TRPM3: variants seen among roughly 807,000 people sequenced by gnomAD.
The protein encoded by TRPM3 is long transient receptor potential channel 3.
Under a neutral mutation model 181.2 loss-of-function variants are expected in TRPM3, and 77 were observed. The ratio of observed to expected loss-of-function variants is 0.42; its 90% confidence interval spans 0.35 to 0.51. The LOEUF is 0.51. TRPM3 is among the 20% of genes least tolerant of loss of function. The probability of loss-of-function intolerance (pLI) is 0.01; values close to 1 mark genes in which losing one functional copy is unlikely to be tolerated. For synonymous variants in TRPM3, 745 were observed against 796.4 expected, an observed-to-expected ratio of 0.94 and a Z score of 1.09; for missense variants, 1,759 against 2,196.7, an observed-to-expected ratio of 0.80 and a Z score of 3.98.
At chr9:70,645,830 C>T (rs947045267) in intron 9 of TRPM3, among the ~76,000 whole-genome samples, 3 of 151,984 alleles carry the variant, frequency 2.0e-5, no homozygotes, top group Non-Finnish European at 4.4e-5. Flanking sequence ...GCAATCTGTG[C>T]ATCTGACAAA....
chr9:70,536,553 T>A lies in TRPM3; in HGVS notation c.4560A>T (p.Thr1520=), dbSNP rs1325466775. 12 of 1,613,748 alleles carry A rather than the reference T, an allele frequency of 7.4e-6. No individual in the cohort carries two copies. The highest frequency in any genetic ancestry group is 1.0e-5 in the Non-Finnish European group (12 of 1,179,926). The part of the protein sequence containing the change: ...RSKSSRYLAT[T]PFLLEEAPIV... ...TGGGAGCCTCTTCTAGAAGAAAGGG[T>A]GTGGTGGCTAGGTAGCGGCTACTTT... is the stretch of plus-strand genomic sequence containing the variant. Residue 1520 remains threonine, a synonymous_variant, in exon 26 of 26, where the codon ACA becomes ACT. Coordinates refer to ENST00000677713, the MANE Select transcript of TRPM3 (RefSeq NM_001366145.2).
At chr9:71,130,425 G>T (rs182809876) in intron 1 of TRPM3, among the ~76,000 whole-genome samples, 1 of 152,124 alleles carries the variant, frequency 6.6e-6, no homozygotes, top group Non-Finnish European at 1.5e-5. Context: ...GCCTGTTATA[G>T]TAAGTACAGA....
At chr9:70,952,777 A>G (rs1162472022) in intron 1 of TRPM3, among the ~76,000 whole-genome samples, 2 of 152,132 alleles carry the variant, frequency 1.3e-5, no homozygotes, top group African/African-American at 2.4e-5. Context: ...CTGGATAGGT[A>G]AGTAGGAACC....
chr9:71,051,354 C>G (rs751722016), intron 1 of TRPM3, among the ~76,000 whole-genome samples: 16 of 152,176 alleles, frequency 1.1e-4, no homozygotes, highest in Non-Finnish European at 1.9e-4. Context: ...AAATCACATT[C>G]ATTATCTCAT....
chr9:71,304,220 C>T (rs2087049038), intron 1 of TRPM3, among the ~76,000 whole-genome samples: 1 of 152,178 alleles, frequency 6.6e-6, no homozygotes, highest in African/African-American at 2.4e-5. Flanking sequence ...TTATTGCAGT[C>T]ATGCTGAATT....
chr9:70,566,835 G>C (rs1281074805), intron 22 of TRPM3, among the ~76,000 whole-genome samples: 2 of 152,190 alleles, frequency 1.3e-5, no homozygotes, highest in African/African-American at 4.8e-5. Flanking sequence ...ATGCGTGCCA[G>C]GGAGGGCTCA....
intron 6 of TRPM3, among the ~76,000 whole-genome samples, chr9:70,785,154 G>A (rs1163974914): frequency 6.6e-6 from 1 of 152,212 alleles, no homozygotes; most frequent in African/African-American, 2.4e-5. Flanking sequence ...CGTGATGTGA[G>A]TTCAGTAAAC....
chr9:71,409,047 C>CA (rs888326798), intron 1 of TRPM3, among the ~76,000 whole-genome samples: 2 of 152,006 alleles, frequency 1.3e-5, no homozygotes, highest in African/African-American at 2.4e-5. Flanking sequence ...CCTTTACAGA[C>CA]AAAAAAATGC....
At chr9:71,222,556 A>C (rs2080303052) in intron 1 of TRPM3, among the ~76,000 whole-genome samples, 1 of 152,172 alleles carries the variant, frequency 6.6e-6, no homozygotes, top group African/African-American at 2.4e-5. Flanking sequence ...CAGGAATACC[A>C]AATTTAACAT....
At chr9:71,402,667 T>A (rs1208426982) in intron 1 of TRPM3, among the ~76,000 whole-genome samples, 1 of 152,232 alleles carries the variant, frequency 6.6e-6, no homozygotes. Flanking sequence ...TTCATTTCAA[T>A]GACCTCTGAG....
intron 1 of TRPM3, among the ~76,000 whole-genome samples, chr9:71,249,901 A>G (rs1316317743): frequency 6.6e-6 from 1 of 152,186 alleles, no homozygotes; most frequent in Non-Finnish European, 1.5e-5. Flanking sequence ...CTGAAGAAAG[A>G]ATTCTTCACG....
At chr9:70,916,384 G>C (rs768359502) in intron 1 of TRPM3, among the ~76,000 whole-genome samples, 2 of 152,134 alleles carry the variant, frequency 1.3e-5, no homozygotes, top group Non-Finnish European at 2.9e-5. Flanking sequence ...GTAAACTCTT[G>C]TGTAGAAAGA....
intron 1 of TRPM3, among the ~76,000 whole-genome samples, chr9:70,934,455 T>C (rs2133453376): frequency 6.6e-6 from 1 of 152,272 alleles, no homozygotes; most frequent in Admixed American, 6.5e-5. Context: ...ATATCCATTG[T>C]AATCTGGAGA....
At chr9:71,089,238 G>A (rs1310186693) in intron 1 of TRPM3, among the ~76,000 whole-genome samples, 3 of 148,762 alleles carry the variant, frequency 2.0e-5, no homozygotes, top group East Asian at 1.9e-4. Flanking sequence ...TGCTTATAGT[G>A]TTATATAGTT....
intron 1 of TRPM3, among the ~76,000 whole-genome samples, chr9:71,037,422 A>T (rs1182317214): frequency 1.3e-5 from 2 of 152,262 alleles, no homozygotes; most frequent in African/African-American, 4.8e-5. Flanking sequence ...GTTTCCTAAA[A>T]CTCAGTAGGG....
At chr9:71,353,456 T>G (rs937236412) in intron 1 of TRPM3, among the ~76,000 whole-genome samples, 6 of 152,180 alleles carry the variant, frequency 3.9e-5, no homozygotes, top group African/African-American at 1.4e-4. Flanking sequence ...TCTCACTGAA[T>G]GTCTCTATAT....
At chr9:71,379,567 A>G (rs1008318932) in intron 1 of TRPM3, among the ~76,000 whole-genome samples, 4 of 152,014 alleles carry the variant, frequency 2.6e-5, no homozygotes, top group African/African-American at 9.7e-5. Context: ...TTTTAAGAAT[A>G]CCTAAAATAG....
At chr9:70,778,012 C>G (rs992904515) in intron 7 of TRPM3, among the ~76,000 whole-genome samples, 1 of 151,226 alleles carries the variant, frequency 6.6e-6, no homozygotes, top group African/African-American at 2.4e-5. Context: ...CACACACACA[C>G]AAAACACTGC....
At chr9:70,831,612 A>T in intron 5 of TRPM3, among the ~76,000 whole-genome samples, 1 of 152,040 alleles carries the variant, frequency 6.6e-6, no homozygotes, top group East Asian at 1.9e-4. Flanking sequence ...AATCGAGAAG[A>T]CAGTCACTCA....
Sources: allele counts gnomAD v4.1 joint callset (sites outside exome capture counted in the v4.1 genomes callset), GRCh38; gene constraint gnomAD v4.1.1; transcripts MANE v1.5; gene names NCBI Gene and HGNC (gene_info 2026-07-23, HGNC 2026-07-21).